Variants in OPHN1 observed in about 807,000 individuals in gnomAD.
The protein encoded by OPHN1 is oligophrenin 1.
A neutral mutation model predicts 60.7 loss-of-function variants in OPHN1; 11 were observed. The observed-to-expected ratio is 0.18, with a 90% CI of 0.11 to 0.30. OPHN1 has a LOEUF of 0.30. Ranked by LOEUF, OPHN1 falls within the 10% of genes least tolerant of loss-of-function variation. The probability of loss-of-function intolerance (pLI) is 1.00; values close to 1 mark genes in which losing one functional copy is unlikely to be tolerated. For synonymous variants in OPHN1, 226 were observed against 222.6 expected, an observed-to-expected ratio of 1.02 and a Z score of -0.14; for missense variants, 449 against 611.0, an observed-to-expected ratio of 0.73 and a Z score of 2.80.
chrX:68,201,599 T>C lies in OPHN1; in HGVS notation c.1025+20A>G. 2 of 1,191,744 alleles carry C rather than the reference T, an allele frequency of 1.7e-6. No homozygotes were observed. The highest frequency in any genetic ancestry group is 2.3e-6 in the Non-Finnish European group (2 of 877,317). On this transcript the variant is annotated intron_variant, in intron 11 of 24. Coordinates refer to ENST00000355520, the MANE Select transcript of OPHN1 (RefSeq NM_002547.3). ...ATCTGGCACGTGGGGACATTGCCAA[T>C]TCACAGCGGCACAGCTTACCTTTCA... is the stretch of plus-strand genomic sequence containing the variant.
chrX:68,050,314 G>A (rs1362525583), intron 23 of OPHN1, among the ~76,000 whole-genome samples: 1 of 111,863 alleles, frequency 8.9e-6, no homozygotes, highest in East Asian at 2.8e-4. Flanking sequence ...CTGCCAAAAT[G>A]GAATCTAGGA....
intron 9 of OPHN1, among the ~76,000 whole-genome samples, chrX:68,207,193 A>G (rs945956360): frequency 1.6e-4 from 17 of 107,203 alleles, no homozygotes; most frequent in Non-Finnish European, 1.9e-5. Context: ...CAGTGGCGCA[A>G]TCTCAGCTCA....
chrX:68,067,721 G>A (rs943992548), intron 20 of OPHN1, among the ~76,000 whole-genome samples: 4 of 110,442 alleles, frequency 3.6e-5, no homozygotes, highest in Non-Finnish European at 7.6e-5. Context: ...GAATAATCAG[G>A]GCTTAGTTAT....
At chrX:68,227,719 C>A (rs2077703020) in intron 6 of OPHN1, among the ~76,000 whole-genome samples, 1 of 110,838 alleles carries the variant, frequency 9.0e-6, no homozygotes, top group Admixed American at 9.6e-5. Context: ...GAGAACAAGA[C>A]AAAACATACC....
At chrX:68,050,366 T>C (rs911486216) in intron 23 of OPHN1, among the ~76,000 whole-genome samples, 11 of 111,839 alleles carry the variant, frequency 9.8e-5, no homozygotes, top group Admixed American at 1.9e-4. Flanking sequence ...AGCCCAGACA[T>C]AGGGTGGGTA....
At position 68,274,728 on chromosome X, in the gene OPHN1, GA is replaced by G; in HGVS notation, c.384+9del. The G allele has an allele frequency of 8.5e-7, 1 of 1,171,578 alleles. No individual in the cohort carries two copies. Among genetic ancestry groups the G allele is most frequent in the Non-Finnish European group, 1.2e-6 (1 of 860,266 alleles). The stretch of plus-strand genomic sequence containing the variant: ...TTTTAAAAAATCTTATGCATATACA[GA>G]AAATGTACCTTGGTGAAGCCTATTT... On this transcript the variant is annotated intron_variant, in intron 5 of 24. Transcript: ENST00000355520.
chrX:68,355,646 T>G (rs931441757), intron 2 of OPHN1, among the ~76,000 whole-genome samples: 4 of 112,380 alleles, frequency 3.6e-5, no homozygotes, highest in African/African-American at 6.5e-5. Context: ...ACAAAGAGAT[T>G]CAAAATACAG....
At chrX:68,124,849 T>C (rs1475131747) in intron 15 of OPHN1, among the ~76,000 whole-genome samples, 1 of 111,057 alleles carries the variant, frequency 9.0e-6, no homozygotes, top group African/African-American at 3.3e-5. Flanking sequence ...GGTTTCACTA[T>C]GTTACCCAGG....
chrX:68,394,933 A>G (rs1264452055), intron 2 of OPHN1, among the ~76,000 whole-genome samples: 1 of 110,082 alleles, frequency 9.1e-6, no homozygotes, highest in African/African-American at 3.3e-5. Context: ...GGCGTGAGCC[A>G]CCACACCTGG....
intron 2 of OPHN1, among the ~76,000 whole-genome samples, chrX:68,427,827 TA>T (rs370445077): frequency 0.048 from 4,669 of 97,867 alleles, 243 homozygotes; most frequent in African/African-American, 0.14. Context: ...CTAGCACAAT[TA>T]AAAAAAAAAA....
chrX:68,398,425 C>T (rs2078696575), intron 2 of OPHN1, among the ~76,000 whole-genome samples: 1 of 112,049 alleles, frequency 8.9e-6, no homozygotes, highest in African/African-American at 3.2e-5. Flanking sequence ...TTTAAACCCA[C>T]GAAATGTTCT....
At chrX:68,214,884 C>G (rs1602240348) in intron 6 of OPHN1, among the ~76,000 whole-genome samples, 1 of 111,242 alleles carries the variant, frequency 9.0e-6, no homozygotes, top group Non-Finnish European at 1.9e-5. Flanking sequence ...GTAGTCCCAG[C>G]TACTCCAGAA....
chrX:68,128,695 C>G (rs998447634), intron 15 of OPHN1, among the ~76,000 whole-genome samples: 1 of 111,919 alleles, frequency 8.9e-6, no homozygotes, highest in African/African-American at 3.2e-5. Flanking sequence ...AAAATGCCAA[C>G]AAGCTAATTT....
chrX:68,151,586 G>A (rs1252304871), intron 15 of OPHN1, among the ~76,000 whole-genome samples: 1 of 111,953 alleles, frequency 8.9e-6, no homozygotes, highest in Non-Finnish European at 1.9e-5. Flanking sequence ...GGGGCAGCTA[G>A]ATGCTGCTAA....
intron 15 of OPHN1, among the ~76,000 whole-genome samples, chrX:68,160,161 C>A (rs1389869824): frequency 9.1e-6 from 1 of 109,528 alleles, no homozygotes; most frequent in East Asian, 2.8e-4. Flanking sequence ...GACTTCAAAC[C>A]AAAAAATATT....
At chrX:68,126,597 A>T (rs1270778132) in intron 15 of OPHN1, among the ~76,000 whole-genome samples, 1 of 110,882 alleles carries the variant, frequency 9.0e-6, no homozygotes, top group Non-Finnish European at 1.9e-5. Flanking sequence ...GGTGCGTGCC[A>T]CCACACCTGG....
intron 15 of OPHN1, among the ~76,000 whole-genome samples, chrX:68,176,429 T>C (rs2077414444): frequency 8.9e-6 from 1 of 111,920 alleles, no homozygotes; most frequent in Non-Finnish European, 1.9e-5. Context: ...CATGAAAAGA[T>C]ATTCAACATT....
chrX:68,071,121 T>C, intron 20 of OPHN1: 1 of 976,461 alleles, frequency 1.0e-6, no homozygotes, highest in Non-Finnish European at 1.5e-6. Flanking sequence ...GGATCTTGTC[T>C]GCAAATTTAG....
intron 5 of OPHN1, among the ~76,000 whole-genome samples, chrX:68,269,837 C>T (rs1303131112): frequency 3.6e-5 from 4 of 111,836 alleles, no homozygotes; most frequent in Non-Finnish European, 7.5e-5. Flanking sequence ...GCAGTCTACT[C>T]ATCTGACAAA....
Sources: allele counts gnomAD v4.1 joint callset (sites outside exome capture counted in the v4.1 genomes callset), GRCh38; gene constraint gnomAD v4.1.1; transcripts MANE v1.5; gene names NCBI Gene and HGNC (gene_info 2026-07-23, HGNC 2026-07-21).